PCDH15: variants seen among roughly 807,000 people sequenced by gnomAD.
PCDH15 encodes the protein protocadherin-15.
Under a neutral mutation model 178.5 loss-of-function variants are expected in PCDH15, and 129 were observed. That is an observed-to-expected ratio of 0.72 (90% CI 0.63 to 0.84). The LOEUF (loss-of-function observed/expected upper bound fraction) is 0.84, where lower values mean the gene tolerates loss of function less well. Among genes scored for constraint, PCDH15 ranks in the 40% least tolerant of loss-of-function variants. The pLI is 0.00. For synonymous variants in PCDH15, 800 were observed against 732.0 expected (o/e 1.09, Z -1.50); for missense variants, 2,230 against 2,099.9 (o/e 1.06, Z -1.21).
chr10:55,435,769 G>T (rs188237419), intron 2 of PCDH15, among the ~76,000 whole-genome samples: 1 of 152,144 alleles, frequency 6.6e-6, no homozygotes, highest in African/African-American at 2.4e-5. Flanking sequence ...GTCGTAAAAA[G>T]CCATAGATAG....
chr10:54,995,076 A>G (rs1044549076), intron 2 of PCDH15, among the ~76,000 whole-genome samples: 3 of 152,088 alleles, frequency 2.0e-5, no homozygotes, highest in African/African-American at 7.2e-5. Flanking sequence ...TCTGGGGAAG[A>G]GGTTTAGAAA....
chr10:55,619,029 G>A (rs1021378836), intron 2 of PCDH15, among the ~76,000 whole-genome samples: 7 of 151,982 alleles, frequency 4.6e-5, no homozygotes, highest in African/African-American at 1.4e-4. Context: ...AAGCGTGATC[G>A]TAAATAAACT....
intron 21 of PCDH15, among the ~76,000 whole-genome samples, chr10:53,975,749 G>A (rs898144455): frequency 6.6e-6 from 1 of 150,408 alleles, no homozygotes; most frequent in African/African-American, 2.5e-5. Context: ...TAGTCTCTTC[G>A]CTGGGGCAAA....
intron 8 of PCDH15, among the ~76,000 whole-genome samples, chr10:54,273,756 A>T (rs2058181556): frequency 6.6e-6 from 1 of 152,082 alleles, no homozygotes; most frequent in Non-Finnish European, 1.5e-5. Flanking sequence ...TTTAAGCAAG[A>T]ACTCTCAGTT....
chr10:54,021,424 T>A (rs2092917733), intron 19 of PCDH15, among the ~76,000 whole-genome samples: 1 of 152,058 alleles, frequency 6.6e-6, no homozygotes, highest in African/African-American at 2.4e-5. Context: ...TTATGTGGTT[T>A]TTCCTGCTTA....
intron 25 of PCDH15, among the ~76,000 whole-genome samples, chr10:53,925,970 T>G (rs997322604): frequency 6.6e-6 from 1 of 152,264 alleles, no homozygotes; most frequent in Non-Finnish European, 1.5e-5. Flanking sequence ...CCTGTCAGTC[T>G]TGAACACCTT....
At position 54,379,540 on chromosome 10, in the gene PCDH15, G is replaced by A. The variant is rs777032759; in HGVS notation, c.158-598C>T. Among the ~76,000 whole-genome samples, 6 of 152,006 alleles carry A rather than the reference G, an allele frequency of 3.9e-5. No individual in the cohort carries two copies. The South Asian group carries it at 6.2e-4, about 16-fold the overall frequency. The stretch of plus-strand genomic sequence containing the variant: ...GTCTGGGTTACTCTACTAGAACAAC[G>A]CACTAGGCCAGTGTAACATTTCAGT... On this transcript the variant is annotated intron_variant, in intron 3 of 37. Coordinates refer to ENST00000644397, the MANE Select transcript of PCDH15 (RefSeq NM_001384140.1).
At chr10:54,058,144 CT>C in intron 18 of PCDH15, among the ~76,000 whole-genome samples, 1 of 152,288 alleles carries the variant, frequency 6.6e-6, no homozygotes, top group South Asian at 2.1e-4. Context: ...CTATTTTCTT[CT>C]GAGCCCTCCA....
At chr10:54,118,299 C>T (rs1564461292) in intron 15 of PCDH15, among the ~76,000 whole-genome samples, 1 of 152,078 alleles carries the variant, frequency 6.6e-6, no homozygotes, top group South Asian at 2.1e-4. Context: ...GGAAAAACTC[C>T]CTATTAAATC....
intron 3 of PCDH15, among the ~76,000 whole-genome samples, chr10:54,417,091 T>C (rs574840128): frequency 6.6e-6 from 1 of 152,092 alleles, no homozygotes; most frequent in Non-Finnish European, 1.5e-5. Flanking sequence ...GGTTTCACCA[T>C]GTTTCCCAGG....
chr10:54,531,652 G>T (rs986198061), intron 2 of PCDH15, among the ~76,000 whole-genome samples: 3 of 152,000 alleles, frequency 2.0e-5, no homozygotes, highest in African/African-American at 4.8e-5. Flanking sequence ...TTTTAACGTT[G>T]ATCAATGTGT....
At chr10:54,203,554 A>G (rs978095676) in intron 10 of PCDH15, among the ~76,000 whole-genome samples, 8 of 152,194 alleles carry the variant, frequency 5.3e-5, no homozygotes, top group African/African-American at 1.7e-4. Flanking sequence ...ACAAACGCAT[A>G]TAGAATGTAC....
At chr10:54,569,720 T>C (rs763326658) in intron 2 of PCDH15, among the ~76,000 whole-genome samples, 2 of 152,136 alleles carry the variant, frequency 1.3e-5, no homozygotes, top group Non-Finnish European at 2.9e-5. Context: ...TCCCTGAGAA[T>C]GAACAACATG....
intron 2 of PCDH15, among the ~76,000 whole-genome samples, chr10:55,159,708 A>G (rs1591953277): frequency 6.8e-6 from 1 of 147,844 alleles, no homozygotes; most frequent in Non-Finnish European, 1.5e-5. Context: ...ATATATCTAT[A>G]TTATATATAG....
intron 2 of PCDH15, among the ~76,000 whole-genome samples, chr10:55,128,259 T>C (rs1837954467): frequency 6.6e-6 from 1 of 151,952 alleles, no homozygotes; most frequent in Admixed American, 6.6e-5. Flanking sequence ...ATATTAAAGA[T>C]TGGGAAAATG....
intron 18 of PCDH15, among the ~76,000 whole-genome samples, chr10:54,038,051 G>A (rs1162427556): frequency 2.0e-5 from 3 of 151,770 alleles, no homozygotes; most frequent in Admixed American, 6.6e-5. Flanking sequence ...TCACATAGAA[G>A]GAATAAGACA....
chr10:55,304,919 A>G (rs559996911), intron 1 of PCDH15, among the ~76,000 whole-genome samples: 44 of 152,348 alleles, frequency 2.9e-4, no homozygotes, highest in Admixed American at 2.6e-3. Flanking sequence ...TGTAATATAC[A>G]TACTGATTGA....
intron 2 of PCDH15, among the ~76,000 whole-genome samples, chr10:55,139,948 C>T (rs1350580482): frequency 6.6e-6 from 1 of 151,844 alleles, no homozygotes; most frequent in Non-Finnish European, 1.5e-5. Flanking sequence ...TTTCTTCCAT[C>T]AAAATTTCAT....
intron 1 of PCDH15, among the ~76,000 whole-genome samples, chr10:54,756,801 A>G (rs1347038688): frequency 6.6e-6 from 1 of 152,236 alleles, no homozygotes; most frequent in African/African-American, 2.4e-5. Context: ...ACAGGACAAC[A>G]GACTTCACAA....
Sources: allele counts gnomAD v4.1 joint callset (sites outside exome capture counted in the v4.1 genomes callset), GRCh38; gene constraint gnomAD v4.1.1; transcripts MANE v1.5; gene names NCBI Gene and HGNC (gene_info 2026-07-23, HGNC 2026-07-21).